Variants in VWA3B observed in about 807,000 individuals in gnomAD.
VWA3B encodes the protein von Willebrand factor A domain containing 3B, also known as von Willebrand factor A domain-containing protein 3B.
Under a neutral mutation model 158.3 loss-of-function variants are expected in VWA3B, and 138 were observed. The observed-to-expected ratio is 0.87, with a 90% CI of 0.76 to 1.00. VWA3B has a LOEUF of 1.00. Ranked by LOEUF, VWA3B falls within the 50% of genes least tolerant of loss-of-function variation. The probability of loss-of-function intolerance (pLI) is 0.00; values close to 1 mark genes in which losing one functional copy is unlikely to be tolerated. For missense variants in VWA3B, 1,555 were observed against 1,565.1 expected (o/e 0.99, Z 0.11); for synonymous variants, 596 against 587.3 (o/e 1.01, Z -0.21).
chr2:98,210,639 C>T (rs1308778785), intron 12 of VWA3B, among the ~76,000 whole-genome samples: 2 of 152,082 alleles, frequency 1.3e-5, no homozygotes, highest in Admixed American at 1.3e-4. Context: ...GGAGAGTGCC[C>T]ATGGTATATG....
intron 10 of VWA3B, among the ~76,000 whole-genome samples, chr2:98,189,887 TTTA>T (rs1181564216): frequency 6.6e-6 from 1 of 152,172 alleles, no homozygotes; most frequent in Non-Finnish European, 1.5e-5. Flanking sequence ...CTACATTATT[TTTA>T]TTATTCTTTT....
intron 8 of VWA3B, among the ~76,000 whole-genome samples, chr2:98,175,786 C>T (rs531609345): frequency 2.2e-4 from 34 of 152,256 alleles, no homozygotes; most frequent in African/African-American, 6.5e-4. Context: ...GTTGAAAGCC[C>T]GTGGGGTGCT....
At chr2:98,233,701 A>T (rs1168746356) in intron 16 of VWA3B, among the ~76,000 whole-genome samples, 2 of 152,182 alleles carry the variant, frequency 1.3e-5, no homozygotes, top group African/African-American at 4.8e-5. Context: ...TCTGTGTGAA[A>T]GCTACCCATT....
chr2:98,127,412 G>T (rs773014536), intron 5 of VWA3B, among the ~76,000 whole-genome samples: 1 of 152,108 alleles, frequency 6.6e-6, no homozygotes, highest in Non-Finnish European at 1.5e-5. Context: ...TGGAAGCACC[G>T]TCCCGGGAGG....
intron 13 of VWA3B, among the ~76,000 whole-genome samples, chr2:98,213,404 C>T (rs2105562951): frequency 6.6e-6 from 1 of 152,232 alleles, no homozygotes; most frequent in East Asian, 1.9e-4. Context: ...GCTGCCATGG[C>T]CTGCTGCTGG....
chr2:98,142,219 T>A (rs151139490), intron 7 of VWA3B, among the ~76,000 whole-genome samples: 1 of 152,284 alleles, frequency 6.6e-6, no homozygotes, highest in African/African-American at 2.4e-5. Context: ...AACAGCTCTC[T>A]GCTGCTCCCG....
At chr2:98,164,189 C>T (rs952423895) in intron 8 of VWA3B, among the ~76,000 whole-genome samples, 1 of 152,096 alleles carries the variant, frequency 6.6e-6, no homozygotes, top group African/African-American at 2.4e-5. Context: ...CAGGACCTTG[C>T]GGCAGAAGGG....
At chr2:98,249,863 A>G (rs1184530067) in intron 19 of VWA3B, among the ~76,000 whole-genome samples, 1 of 152,312 alleles carries the variant, frequency 6.6e-6, no homozygotes, top group South Asian at 2.1e-4. Context: ...TATGGTAACT[A>G]TAATCAAATA....
chr2:98,243,396 T>C (rs1686200992), intron 19 of VWA3B, among the ~76,000 whole-genome samples: 1 of 151,968 alleles, frequency 6.6e-6, no homozygotes, highest in Non-Finnish European at 1.5e-5. Flanking sequence ...TGCAATGGTG[T>C]GATCTCTGTT....
intron 9 of VWA3B, among the ~76,000 whole-genome samples, chr2:98,184,523 G>A (rs189565114): frequency 5.3e-4 from 80 of 152,346 alleles, no homozygotes; most frequent in African/African-American, 1.7e-3. Flanking sequence ...GAGTCCACTC[G>A]TTCTCACCAG....
intron 6 of VWA3B, among the ~76,000 whole-genome samples, 179 bp downstream of exon 6, chr2:98,128,587 C>G (rs1243871123): frequency 3.3e-5 from 5 of 152,164 alleles, no homozygotes; most frequent in African/African-American, 1.2e-4. Flanking sequence ...TCATGACTTT[C>G]TATTTTCTGC....
chr2:98,205,264 G>T (rs1338654143), intron 12 of VWA3B, among the ~76,000 whole-genome samples: 1 of 152,128 alleles, frequency 6.6e-6, no homozygotes, highest in Non-Finnish European at 1.5e-5. Context: ...TTGGTAGTTT[G>T]TGGTTTTTGA....
At chr2:98,303,424 GTGTGT>G (rs1690320436) in intron 25 of VWA3B, among the ~76,000 whole-genome samples, 5 of 65,668 alleles carry the variant, frequency 7.6e-5, no homozygotes, top group Non-Finnish European at 1.7e-4. Flanking sequence ...ATGTGAAGGT[GTGTGT>G]GTGTGTGTGT....
chr2:98,115,838 G>T (rs1674492479), intron 3 of VWA3B, 92 bp downstream of exon 3: 4 of 1,056,228 alleles, frequency 3.8e-6, no homozygotes, highest in Non-Finnish European at 5.7e-6. Flanking sequence ...GTGCTGCTTG[G>T]CAGGGATGCA....
In VWA3B at chr2:98,236,603, T is replaced by C. The variant is rs573942241; in HGVS notation, c.2546T>C (p.Leu849Pro). The change falls in exon 19 of 28, where the codon CTG becomes CCG. Residue 849 changes from leucine to proline, a missense_variant. Transcript: ENST00000477737. ...DSSDVSSENW[L>P]KTYGLVAKKL... ...TCAGATGTGTCTTCAGAAAACTGGC[T>C]GAAGACCTATGGCTTGGTCGCCAAG... 6.2e-7 allele frequency: 1 copy of C among 1,614,232 alleles called. No homozygotes were observed. Among genetic ancestry groups the C allele is most frequent in the Non-Finnish European group, 8.5e-7 (1 of 1,180,026 alleles).
intron 8 of VWA3B, among the ~76,000 whole-genome samples, chr2:98,180,496 A>C (rs771860034): frequency 6.6e-6 from 1 of 152,234 alleles, no homozygotes; most frequent in Non-Finnish European, 1.5e-5. Context: ...CTGGCCTCAC[A>C]TAACTTTTCT....
chr2:98,228,719 C>T (rs967893097), intron 15 of VWA3B, among the ~76,000 whole-genome samples: 15 of 152,104 alleles, frequency 9.9e-5, no homozygotes, highest in Non-Finnish European at 5.9e-5. Context: ...CTCTCCATTG[C>T]GTGGGTCTCT....
chr2:98,223,134 A>G (rs760286346), intron 14 of VWA3B, among the ~76,000 whole-genome samples: 12 of 152,214 alleles, frequency 7.9e-5, no homozygotes, highest in Non-Finnish European at 1.5e-4. Context: ...ATAAGTAGGA[A>G]TTATAAAAAA....
intron 17 of VWA3B, 24 bp from the exon 18 acceptor site, chr2:98,236,366 C>G (rs1023232977): frequency 1.1e-5 from 17 of 1,613,518 alleles, no homozygotes; most frequent in Admixed American, 5.0e-5. Flanking sequence ...GGAAAATATA[C>G]AACTGCCACT....
Sources: gnomAD v4.1 joint callset for allele counts (sites outside exome capture counted in the v4.1 genomes callset) on GRCh38, gnomAD v4.1.1 for gene constraint, MANE v1.5 for transcripts, NCBI Gene and HGNC (gene_info 2026-07-23, HGNC 2026-07-21) for gene names.